CAPN13: variants seen among roughly 807,000 people sequenced by gnomAD.
CAPN13 encodes calpain 13.
A neutral mutation model predicts 98.4 loss-of-function variants in CAPN13; 90 were observed. The observed-to-expected ratio is 0.92, with a 90% CI of 0.77 to 1.09. The LOEUF (loss-of-function observed/expected upper bound fraction) is 1.09. CAPN13 is among the 50% of genes least tolerant of loss of function. The pLI is 0.00. For missense variants in CAPN13, 887 were observed against 841.3 expected, an observed-to-expected ratio of 1.05 and a Z score of -0.67; for synonymous variants, 330 against 305.5, an observed-to-expected ratio of 1.08 and a Z score of -0.84.
chr2:30,751,362 G>T, intron 10 of CAPN13, 111 bp from the exon 11 acceptor site: 1 of 1,161,010 alleles, frequency 8.6e-7, no homozygotes, highest in East Asian at 2.4e-5. Flanking sequence ...CTCTGGATTG[G>T]AGACCTAAGG....
intron 2 of CAPN13, among the ~76,000 whole-genome samples, chr2:30,778,818 A>G (rs1020964874): frequency 6.6e-6 from 1 of 152,166 alleles, no homozygotes; most frequent in Non-Finnish European, 1.5e-5. Flanking sequence ...TCTCAGGCCC[A>G]GGCCCTCCCG....
intron 1 of CAPN13, among the ~76,000 whole-genome samples, chr2:30,801,604 T>TC (rs1342488498): frequency 1.4e-4 from 11 of 79,978 alleles, no homozygotes; most frequent in African/African-American, 4.8e-4. Flanking sequence ...GACTCAGTCT[T>TC]AAAAAAAAAA....
At chr2:30,769,811 G>C (rs1161480673) in intron 5 of CAPN13, among the ~76,000 whole-genome samples, 1 of 152,134 alleles carries the variant, frequency 6.6e-6, no homozygotes, top group Non-Finnish European at 1.5e-5. Flanking sequence ...AGCCACACCG[G>C]GTGCCCAACT....
intron 12 of CAPN13, among the ~76,000 whole-genome samples, chr2:30,744,952 G>C (rs1481923702): frequency 6.6e-6 from 1 of 152,182 alleles, no homozygotes; most frequent in Non-Finnish European, 1.5e-5. Flanking sequence ...CTTCATAGCT[G>C]GGATGTCAGG....
chr2:30,740,082 GTTTTTTTT>G (rs143581068), intron 15 of CAPN13, among the ~76,000 whole-genome samples: 2 of 121,406 alleles, frequency 1.6e-5, no homozygotes, highest in Non-Finnish European at 3.5e-5. Context: ...ATTGTATTAG[GTTTTTTTT>G]TTTTTTTTTT....
chr2:30,802,477 G>GTA (rs1675341367), intron 1 of CAPN13, among the ~76,000 whole-genome samples: 1 of 149,608 alleles, frequency 6.7e-6, no homozygotes, highest in African/African-American at 2.5e-5. Flanking sequence ...GTGTGTGTGT[G>GTA]TGTGTGTGTG....
At chr2:30,736,444 A>C in intron 18 of CAPN13, 59 bp downstream of exon 18, 1 of 1,543,670 alleles carries the variant, frequency 6.5e-7, no homozygotes, top group Non-Finnish European at 9.0e-7. Flanking sequence ...TTAGACACCC[A>C]GTAAATCCTT....
At chr2:30,738,353 C>A in intron 16 of CAPN13, 47 bp downstream of exon 16, 2 of 1,612,196 alleles carry the variant, frequency 1.2e-6, no homozygotes, top group Non-Finnish European at 1.7e-6. Context: ...GGTGGGGTTG[C>A]CAGCAGGGAG....
chr2:30,764,067 C>A, intron 6 of CAPN13, 65 bp downstream of exon 6: 2 of 1,476,542 alleles, frequency 1.4e-6, no homozygotes, highest in Non-Finnish European at 9.2e-7. Flanking sequence ...TGAATGGACC[C>A]CTGGCTGAGC....
At chr2:30,728,708 T>C (rs1242389673) in intron 22 of CAPN13, among the ~76,000 whole-genome samples, 1 of 152,132 alleles carries the variant, frequency 6.6e-6, no homozygotes, top group Non-Finnish European at 1.5e-5. Context: ...ATTGAAGCGT[T>C]TTTAAGCCTG....
At chr2:30,761,607 C>A (rs570595880) in intron 7 of CAPN13, among the ~76,000 whole-genome samples, 8 of 152,280 alleles carry the variant, frequency 5.3e-5, no homozygotes, top group Admixed American at 4.6e-4. Flanking sequence ...GGATCTTGTC[C>A]AAGAATGGCA....
intron 1 of CAPN13, among the ~76,000 whole-genome samples, chr2:30,791,581 T>C (rs150984559): frequency 8.3e-4 from 127 of 152,356 alleles, no homozygotes; most frequent in Non-Finnish European, 1.5e-3. Context: ...TAAAGAAACT[T>C]AAGTTTGCTC....
intron 13 of CAPN13, 135 bp downstream of exon 13, chr2:30,743,248 G>C: frequency 3.7e-6 from 3 of 804,158 alleles, no homozygotes; most frequent in Non-Finnish European, 6.3e-6. Context: ...AGCTGCTCTA[G>C]AGTGGGGCCA....
intron 15 of CAPN13, among the ~76,000 whole-genome samples, chr2:30,739,328 G>C (rs1171593615): frequency 6.6e-6 from 1 of 152,078 alleles, no homozygotes; most frequent in Non-Finnish European, 1.5e-5. Flanking sequence ...AGTGGCACTG[G>C]TCATGTAGAA....
intron 22 of CAPN13, among the ~76,000 whole-genome samples, chr2:30,727,439 T>C (rs1202586164): frequency 1.3e-5 from 2 of 152,144 alleles, no homozygotes; most frequent in African/African-American, 2.4e-5. Context: ...ATCTACAATA[T>C]ACAAAGAACA....
chr2:30,777,250 C>A (rs1205916700), intron 3 of CAPN13, among the ~76,000 whole-genome samples: 3 of 152,218 alleles, frequency 2.0e-5, no homozygotes, highest in Non-Finnish European at 4.4e-5. Flanking sequence ...AACTCTGTTG[C>A]TAACTGAGTG....
At chr2:30,731,525 C>G in intron 20 of CAPN13, 126 bp from the exon 21 acceptor site, 1 of 729,930 alleles carries the variant, frequency 1.4e-6, no homozygotes, top group Non-Finnish European at 2.2e-6. Flanking sequence ...TCCTGCTCCG[C>G]GGGGTGTGCC....
chr2:30,758,763 T>TCCTTTCCTTCCTCCCTCCCTC, intron 7 of CAPN13, among the ~76,000 whole-genome samples: 1 of 99,684 alleles, frequency 1.0e-5, no homozygotes, highest in South Asian at 3.4e-4. Flanking sequence ...TCCCTCTCTT[T>TCCTTTCCTTCCTCCCTCCCTC]CCTTTCCTTC....
At position 30,764,277 on chromosome 2, in the gene CAPN13, T is replaced by C. The variant is rs893474111; in HGVS notation, c.554A>G (p.Tyr185Cys). 6.2e-7 allele frequency: 1 copy of C among 1,613,874 alleles called. No individual in the cohort carries two copies. Among genetic ancestry groups the C allele is most frequent in the Non-Finnish European group, 8.5e-7 (1 of 1,179,852 alleles). Residue 185 changes from tyrosine to cysteine, a missense_variant, in exon 6 of 23, where the codon TAT becomes TGT. Physicochemically the swap from Tyr to Cys is radical, Grantham distance 194 (BLOSUM62 -2). Transcript: ENST00000295055. ...CACCAGGGCATCCTCGAGGAAGCCA[T>C]AGTGCAGATCGGAATAGGATCCGAG... ...KLLGSYSDLH[Y>C]GFLEDALVDL...
Sources: allele counts gnomAD v4.1 joint callset (sites outside exome capture counted in the v4.1 genomes callset), GRCh38; gene constraint gnomAD v4.1.1; transcripts MANE v1.5; gene names NCBI Gene and HGNC (gene_info 2026-07-23, HGNC 2026-07-21).